AGBL4: variants seen among roughly 807,000 people sequenced by gnomAD.
AGBL4 encodes the protein AGBL carboxypeptidase 4, also known as cytosolic carboxypeptidase 6.
A neutral mutation model predicts 66.4 loss-of-function variants in AGBL4; 58 were observed. The ratio of observed to expected loss-of-function variants is 0.87; its 90% CI spans 0.71 to 1.09. AGBL4 has a LOEUF of 1.09. Among genes scored for constraint, AGBL4 ranks in the 50% least tolerant of loss-of-function variants. AGBL4 has a pLI of 0.00. For missense variants in AGBL4, 579 were observed against 631.0 expected (o/e 0.92, Z 0.88); for synonymous variants, 234 against 222.9 (o/e 1.05, Z -0.44).
At position 48,997,840 on chromosome 1, in the gene AGBL4, G is replaced by A. The variant is rs149211082; in HGVS notation, c.594+47744C>T. Among the ~76,000 whole-genome samples the A allele has an allele frequency of 3.6e-4, 55 of 152,292 alleles. 2 individuals are homozygous for A. The East Asian group carries it at 0.01, about 28-fold the overall frequency. Reference sequence around the variant, plus strand: ...ATAAATGGATATTGCCACCAGTGGTGTATATTGTCATCATTACTGCTACTT... The same window carrying A: ...ATAAATGGATATTGCCACCAGTGGTATATATTGTCATCATTACTGCTACTT... On this transcript the variant is annotated intron_variant, in intron 5 of 13. Coordinates refer to ENST00000371839, the MANE Select transcript of AGBL4 (RefSeq NM_032785.4).
At chr1:49,170,708 A>G (rs1215058215) in intron 4 of AGBL4, among the ~76,000 whole-genome samples, 2 of 151,164 alleles carry the variant, frequency 1.3e-5, no homozygotes, top group African/African-American at 2.4e-5. Flanking sequence ...GACTATTTTG[A>G]GAACATTTAA....
intron 3 of AGBL4, among the ~76,000 whole-genome samples, chr1:49,524,167 T>A (rs1330774090): frequency 6.6e-6 from 1 of 152,100 alleles, no homozygotes; most frequent in African/African-American, 2.4e-5. Flanking sequence ...AGTTTGATAT[T>A]CTAAGCACAC....
intron 5 of AGBL4, among the ~76,000 whole-genome samples, chr1:48,912,914 G>A (rs763719009): frequency 6.6e-6 from 1 of 152,124 alleles, no homozygotes; most frequent in East Asian, 1.9e-4. Flanking sequence ...GTCAGTGAAA[G>A]TGTCCTAAAG....
chr1:49,506,897 C>G (rs1648740122), intron 3 of AGBL4, among the ~76,000 whole-genome samples: 2 of 151,988 alleles, frequency 1.3e-5, no homozygotes, highest in Non-Finnish European at 2.9e-5. Context: ...GTGCCAATCT[C>G]TGGTGTATTT....
chr1:48,731,457 G>C (rs1356954399), intron 6 of AGBL4, among the ~76,000 whole-genome samples: 1 of 152,144 alleles, frequency 6.6e-6, no homozygotes, highest in Non-Finnish European at 1.5e-5. Flanking sequence ...AAGTCTCCTA[G>C]GAGGCAAAGA....
At chr1:48,794,724 C>T (rs1486135747) in intron 6 of AGBL4, among the ~76,000 whole-genome samples, 1 of 152,172 alleles carries the variant, frequency 6.6e-6, no homozygotes, top group Non-Finnish European at 1.5e-5. Context: ...GCTCCACTTC[C>T]TTGACCCCCA....
intron 6 of AGBL4, among the ~76,000 whole-genome samples, chr1:48,777,451 C>T (rs1645154842): frequency 6.6e-6 from 1 of 152,124 alleles, no homozygotes; most frequent in South Asian, 2.1e-4. Flanking sequence ...CTCCCCGCGC[C>T]TTTCCCAGCC....
At chr1:49,052,943 A>G (rs1381156038) in intron 4 of AGBL4, among the ~76,000 whole-genome samples, 3 of 152,196 alleles carry the variant, frequency 2.0e-5, no homozygotes, top group Non-Finnish European at 2.9e-5. Flanking sequence ...ATCGATTTCC[A>G]TTATTATTAA....
chr1:48,931,325 A>T (rs1479761963), intron 5 of AGBL4, among the ~76,000 whole-genome samples: 1 of 152,142 alleles, frequency 6.6e-6, no homozygotes, highest in Non-Finnish European at 1.5e-5. Flanking sequence ...CAGCCATAAA[A>T]ATGACAGCTA....
intron 8 of AGBL4, among the ~76,000 whole-genome samples, chr1:48,641,399 C>A (rs926305453): frequency 1.3e-5 from 2 of 152,118 alleles, no homozygotes; most frequent in African/African-American, 4.8e-5. Flanking sequence ...CCCATCACCA[C>A]CACCAAGATA....
intron 9 of AGBL4, among the ~76,000 whole-genome samples, chr1:48,626,230 G>A (rs1180182832): frequency 6.6e-6 from 1 of 152,186 alleles, no homozygotes; most frequent in Non-Finnish European, 1.5e-5. Context: ...GCTGCTGTCT[G>A]AACATTTCAA....
intron 2 of AGBL4, among the ~76,000 whole-genome samples, chr1:49,758,856 C>T (rs1276049158): frequency 6.6e-6 from 1 of 152,002 alleles, no homozygotes. Context: ...AATGTGAGGG[C>T]ATGAGATTTT....
intron 6 of AGBL4, among the ~76,000 whole-genome samples, chr1:48,773,088 C>A (rs1386969667): frequency 6.6e-6 from 1 of 152,096 alleles, no homozygotes; most frequent in Non-Finnish European, 1.5e-5. Flanking sequence ...CTGGTATATT[C>A]ACTTAATACA....
At chr1:49,207,948 A>G (rs1260243750) in intron 4 of AGBL4, among the ~76,000 whole-genome samples, 1 of 152,000 alleles carries the variant, frequency 6.6e-6, no homozygotes, top group Non-Finnish European at 1.5e-5. Context: ...ACTCTATATT[A>G]TCCTTTACTT....
At chr1:49,641,524 G>C (rs1426128457) in intron 3 of AGBL4, among the ~76,000 whole-genome samples, 1 of 151,986 alleles carries the variant, frequency 6.6e-6, no homozygotes, top group Non-Finnish European at 1.5e-5. Flanking sequence ...GATAAACAAG[G>C]CTAGCAAAAT....
chr1:49,719,420 T>G (rs1648417964), intron 2 of AGBL4, among the ~76,000 whole-genome samples: 1 of 152,128 alleles, frequency 6.6e-6, no homozygotes, highest in African/African-American at 2.4e-5. Context: ...AAATGGTGCC[T>G]GCCTCCCCAA....
chr1:48,966,079 A>G (rs1442227100), intron 5 of AGBL4, among the ~76,000 whole-genome samples: 1 of 152,108 alleles, frequency 6.6e-6, no homozygotes, highest in Non-Finnish European at 1.5e-5. Context: ...AATGAGCATA[A>G]TATTTTTCTT....
intron 6 of AGBL4, among the ~76,000 whole-genome samples, chr1:48,666,045 G>A (rs750019535): frequency 2.0e-5 from 3 of 152,166 alleles, no homozygotes; most frequent in Non-Finnish European, 4.4e-5. Context: ...CAAGCATCTC[G>A]GGTGCTAATA....
chr1:49,800,995 G>T (rs934766531), intron 2 of AGBL4, among the ~76,000 whole-genome samples: 19 of 150,630 alleles, frequency 1.3e-4, no homozygotes, highest in African/African-American at 4.2e-4. Context: ...GTGTAAAAGT[G>T]TTCCTATTTC....
Sources: gnomAD v4.1 joint callset for allele counts (sites outside exome capture counted in the v4.1 genomes callset) on GRCh38, gnomAD v4.1.1 for gene constraint, MANE v1.5 for transcripts, NCBI Gene and HGNC (gene_info 2026-07-23, HGNC 2026-07-21) for gene names.